Variants in IARS1 observed in about 807,000 individuals in gnomAD.
IARS1 encodes isoleucine--tRNA ligase, cytoplasmic.
Under a neutral mutation model 168.2 loss-of-function variants are expected in IARS1, and 124 were observed. The observed-to-expected ratio is 0.74, with a 90% CI of 0.64 to 0.86. The LOEUF is 0.86. Ranked by LOEUF, IARS1 falls within the 40% of genes least tolerant of loss-of-function variation. IARS1 has a pLI of 0.00. For missense variants in IARS1, 1,452 were observed against 1,515.8 expected (o/e 0.96, Z 0.70); for synonymous variants, 532 against 529.4 (o/e 1.00, Z -0.07).
intron 33 of IARS1, among the ~76,000 whole-genome samples, chr9:92,211,383 C>T (rs73516509): frequency 0.032 from 4,900 of 152,090 alleles, 274 homozygotes; most frequent in African/African-American, 0.11. Context: ...CTGGTTCTAA[C>T]GTGTATCCTT....
At chr9:92,256,160 C>G (rs932466368) in intron 20 of IARS1, among the ~76,000 whole-genome samples, 1 of 151,698 alleles carries the variant, frequency 6.6e-6, no homozygotes, top group Non-Finnish European at 1.5e-5. Context: ...GAGGACACCC[C>G]CTAAAGACAG....
intron 6 of IARS1, among the ~76,000 whole-genome samples, chr9:92,282,349 C>T (rs1371489425): frequency 6.6e-6 from 1 of 151,884 alleles, no homozygotes; most frequent in African/African-American, 2.4e-5. Flanking sequence ...GTCACCCAAG[C>T]TGGAGTGCAG....
chr9:92,239,956 A>C (rs530728069), intron 30 of IARS1, among the ~76,000 whole-genome samples: 1 of 152,198 alleles, frequency 6.6e-6, no homozygotes, highest in Non-Finnish European at 1.5e-5. Context: ...TCAAGGGAGC[A>C]GAATTTTTGT....
chr9:92,271,121 A>G (rs1564181443), intron 11 of IARS1, 45 bp from the exon 12 acceptor site: 1 of 1,172,584 alleles, frequency 8.5e-7, no homozygotes, highest in Non-Finnish European at 1.2e-6. Context: ...ATACTATAAT[A>G]CTTAGGAACA....
At position 92,287,889 on chromosome 9, in the gene IARS1, G is replaced by C. The variant is rs758927635; in HGVS notation, c.298C>G (p.Leu100Val). ...ACATCCTCTGGTCCTCTGATTCCCA[G>C]TGTCTTATCAATTTCATATTCCTGA... Reference protein sequence around the residue: ...LPVEYEIDKTLGIRGPEDVAK... With the variant: ...LPVEYEIDKTVGIRGPEDVAK... Residue 100 changes from leucine to valine, a missense_variant, in exon 4 of 34, where the codon CTG (leucine) becomes GTG (valine). Leu to Val is a conservative substitution (Grantham distance 32). Coordinates refer to ENST00000443024, the MANE Select transcript of IARS1 (RefSeq NM_002161.6). 1 of 1,613,766 alleles carries C rather than the reference G, an allele frequency of 6.2e-7. No individual in the cohort carries two copies. Among genetic ancestry groups the C allele is most frequent in the South Asian group, 1.1e-5 (1 of 91,048 alleles).
chr9:92,289,238 T>G lies in IARS1; in HGVS notation c.119+63A>C, dbSNP rs141437829. On this transcript the variant is annotated intron_variant, in intron 2 of 33. Transcript: ENST00000443024. The stretch of plus-strand genomic sequence containing the variant: ...AAAAAAAAAAAAAAAGTATCTGCTT[T>G]AATGGAATTCAGTCTAAGAAATGAC... The G allele has an allele frequency of 2.0e-5, 14 of 687,352 alleles. No homozygotes were observed. The Admixed American group carries it at 3.0e-4, about 15-fold the overall frequency. The allele number at this position is 687,352 out of a possible 1,614,324, so 42.6% of individuals were successfully genotyped here.
intron 18 of IARS1, 130 bp from the exon 19 acceptor site, chr9:92,259,128 CTT>C (rs1831165030): frequency 2.6e-6 from 2 of 771,966 alleles, no homozygotes; most frequent in Non-Finnish European, 2.0e-6. Flanking sequence ...TATGAATACT[CTT>C]TGAGTGGTCA....
In IARS1 at chr9:92,256,671, G is replaced by A. The variant is rs773952112; in HGVS notation, c.2137+9C>T. The A allele has an allele frequency of 1.2e-6, 2 of 1,613,158 alleles. No homozygotes were observed. Among genetic ancestry groups the A allele is most frequent in the Non-Finnish European group, 1.7e-6 (2 of 1,179,480 alleles). The stretch of plus-strand genomic sequence containing the variant: ...TTATTCCTGGGAGGACAGACCAAGA[G>A]AGACTCACCTGCCATTTCAGTCTCA... On this transcript the variant is annotated intron_variant, in intron 20 of 33. Coordinates refer to ENST00000443024, the MANE Select transcript of IARS1 (RefSeq NM_002161.6).
At chr9:92,253,501 C>G in intron 20 of IARS1, 48 bp from the exon 21 acceptor site, 1 of 1,239,844 alleles carries the variant, frequency 8.1e-7, no homozygotes, top group Non-Finnish European at 1.2e-6. Flanking sequence ...TACCAGGCAT[C>G]TGGGGTGGGG....
chr9:92,239,147 T>C (rs1827986080), intron 30 of IARS1, among the ~76,000 whole-genome samples: 1 of 152,236 alleles, frequency 6.6e-6, no homozygotes, highest in Admixed American at 6.5e-5. Flanking sequence ...TTTTTCTTTT[T>C]TCCTTCCTGA....
chr9:92,259,086 A>T (rs1452154896), intron 18 of IARS1, 88 bp from the exon 19 acceptor site: 7 of 1,189,802 alleles, frequency 5.9e-6, no homozygotes, highest in Non-Finnish European at 8.1e-6. Context: ...GCAAGATGAA[A>T]ATCAGTCCTA....
intron 33 of IARS1, among the ~76,000 whole-genome samples, chr9:92,213,884 A>C (rs775749877): frequency 7.0e-4 from 106 of 152,076 alleles, no homozygotes; most frequent in Non-Finnish European, 1.2e-3. Flanking sequence ...CAATCTCAGC[A>C]CACTGCAACC....
At chr9:92,268,839 C>T (rs981019450) in intron 13 of IARS1, among the ~76,000 whole-genome samples, 15 of 152,144 alleles carry the variant, frequency 9.9e-5, no homozygotes, top group Admixed American at 8.5e-4. Flanking sequence ...CCTGCCTGCC[C>T]TCTGACACGC....
At chr9:92,229,266 T>C in intron 30 of IARS1, 140 bp from the exon 31 acceptor site, 1 of 656,560 alleles carries the variant, frequency 1.5e-6, no homozygotes, top group Non-Finnish European at 2.5e-6. Context: ...TATATATGTG[T>C]ATATATAGCT....
intron 30 of IARS1, among the ~76,000 whole-genome samples, chr9:92,238,174 G>A (rs1827831006): frequency 6.6e-6 from 1 of 152,180 alleles, no homozygotes; most frequent in Admixed American, 6.5e-5. Flanking sequence ...CCAGTGTTGG[G>A]ATTACAGGCG....
intron 32 of IARS1, 81 bp downstream of exon 32, chr9:92,223,264 AG>A: frequency 1.5e-6 from 2 of 1,310,336 alleles, no homozygotes; most frequent in Non-Finnish European, 2.1e-6. Context: ...GAAGCCGACT[AG>A]AAATACACAC....
chr9:92,260,518 G>T (rs543705854), intron 17 of IARS1, among the ~76,000 whole-genome samples: 3 of 152,204 alleles, frequency 2.0e-5, no homozygotes, highest in African/African-American at 7.2e-5. Context: ...AGCTGGGCGT[G>T]GGGGCGCACA....
chr9:92,244,887 C>T (rs1449589142), intron 27 of IARS1, 72 bp downstream of exon 27: 2 of 1,222,762 alleles, frequency 1.6e-6, no homozygotes, highest in East Asian at 2.4e-5. Flanking sequence ...TCAGGAAAGG[C>T]ACAGGCAAAT....
At chr9:92,228,023 C>T (rs1826036819) in intron 31 of IARS1, among the ~76,000 whole-genome samples, 2 of 152,132 alleles carry the variant, frequency 1.3e-5, no homozygotes, top group Non-Finnish European at 2.9e-5. Context: ...GAGATCACGC[C>T]ACTGCACTCC....
Sources: allele counts gnomAD v4.1 joint callset (sites outside exome capture counted in the v4.1 genomes callset), GRCh38; gene constraint gnomAD v4.1.1; transcripts MANE v1.5; gene names NCBI Gene and HGNC (gene_info 2026-07-23, HGNC 2026-07-21).